Variants in CCDC60 observed in about 807,000 individuals in gnomAD.
CCDC60 encodes the protein coiled-coil domain containing 60, also known as coiled-coil domain-containing protein 60.
In CCDC60, 54 loss-of-function variants were observed where a neutral mutation model predicts 63.5. The observed-to-expected ratio is 0.85, with a 90% confidence interval of 0.68 to 1.07. The LOEUF (loss-of-function observed/expected upper bound fraction) is 1.07, where lower values mean the gene tolerates loss of function less well. Among genes scored for constraint, CCDC60 ranks in the 50% least tolerant of loss-of-function variants. The pLI, the probability that CCDC60 is intolerant of heterozygous loss-of-function variation, is 0.00. For synonymous variants in CCDC60, 206 were observed against 238.8 expected, an observed-to-expected ratio of 0.86 and a Z score of 1.27; for missense variants, 651 against 684.3, an observed-to-expected ratio of 0.95 and a Z score of 0.54.
Position 119,505,158 on chromosome 12 carries a change from G to C in CCDC60, c.738G>C (p.Gly246=). Residue 246 remains glycine (G), a synonymous_variant, in exon 7 of 14, where the codon GGG becomes GGC. Transcript: ENST00000327554. ...GSTLSLSRAS[G]GSSPQSSMIS... ...CACTCAGTCTGAGTCGGGCCAGTGG[G>C]GGGTCCTCTCCCCAGAGCAGCATGA... 8.1e-6 allele frequency: 13 copies of C among 1,614,074 alleles called. No individual in the cohort carries two copies. The highest frequency in any genetic ancestry group is 1.1e-5 in the Non-Finnish European group (13 of 1,180,014).
chr12:119,510,848 C>T (rs912250832), intron 7 of CCDC60, among the ~76,000 whole-genome samples: 5 of 152,208 alleles, frequency 3.3e-5, no homozygotes, highest in Non-Finnish European at 7.3e-5. Flanking sequence ...GCAATCCTCT[C>T]AGGAGCCCCA....
chr12:119,451,016 G>A (rs1276006692), intron 2 of CCDC60, among the ~76,000 whole-genome samples: 1 of 152,122 alleles, frequency 6.6e-6, no homozygotes, highest in African/African-American at 2.4e-5. Flanking sequence ...AGAGGGAGTG[G>A]CCCTTGTGCA....
At chr12:119,433,195 A>G (rs1262546028) in intron 2 of CCDC60, among the ~76,000 whole-genome samples, 1 of 152,084 alleles carries the variant, frequency 6.6e-6, no homozygotes, top group East Asian at 1.9e-4. Flanking sequence ...ACCACGGGGG[A>G]CGTGCCCCAA....
intron 1 of CCDC60, among the ~76,000 whole-genome samples, chr12:119,385,639 T>G (rs1956052223): frequency 6.6e-6 from 1 of 152,224 alleles, no homozygotes; most frequent in Non-Finnish European, 1.5e-5. Context: ...AGGTATGTCT[T>G]TATAAATAGC....
chr12:119,388,090 G>GC (rs1956091194), intron 1 of CCDC60: 1 of 152,212 alleles, frequency 6.6e-6, no homozygotes, highest in South Asian at 2.1e-4. Context: ...TCATCCTGGA[G>GC]CCAGGTGCTT....
At chr12:119,498,331 C>CTT (rs368939664) in intron 5 of CCDC60, among the ~76,000 whole-genome samples, 2 of 149,748 alleles carry the variant, frequency 1.3e-5, no homozygotes, top group African/African-American at 4.9e-5. Flanking sequence ...TGTTCATCCT[C>CTT]TTTTTTTTTT....
At chr12:119,434,450 T>C (rs530081675) in intron 2 of CCDC60, among the ~76,000 whole-genome samples, 13 of 152,148 alleles carry the variant, frequency 8.5e-5, no homozygotes, top group African/African-American at 2.7e-4. Flanking sequence ...CTGTCTTTGA[T>C]GAATAAGAGA....
chr12:119,361,244 T>A (rs1328377524), intron 1 of CCDC60, among the ~76,000 whole-genome samples: 4 of 150,828 alleles, frequency 2.7e-5, no homozygotes, highest in Non-Finnish European at 5.9e-5. Flanking sequence ...ACAGGTCTAT[T>A]TTATCAAAAA....
intron 2 of CCDC60, among the ~76,000 whole-genome samples, chr12:119,431,019 G>A (rs1041000163): frequency 3.3e-5 from 5 of 152,106 alleles, no homozygotes; most frequent in Non-Finnish European, 5.9e-5. Context: ...TCCAAATTGA[G>A]GGCCTAGAGC....
At position 119,530,920 on chromosome 12, in the gene CCDC60, C is replaced by T. The variant is rs372064797; in HGVS notation, c.1408C>T (p.Arg470Cys). 2.7e-5 allele frequency: 43 copies of T among 1,613,962 alleles called. No homozygotes were observed. The Middle Eastern group carries it at 8.2e-4, about 31-fold the overall frequency. The change falls in exon 13 of 14, where the codon CGC becomes TGC. Residue 470 changes from arginine (R) to cysteine (C), a missense_variant. Transcript: ENST00000327554. Reference protein sequence around the residue: ...SKLPEDLKNFRPAKKILVKLQ... With the variant: ...SKLPEDLKNFCPAKKILVKLQ... ...ACTGCCAGAGGATCTAAAGAACTTC[C>T]GCCCCGCCAAAAAGATCCTGGTGAA...
intron 1 of CCDC60, among the ~76,000 whole-genome samples, chr12:119,370,476 A>G (rs1452144005): frequency 6.6e-6 from 1 of 152,180 alleles, no homozygotes; most frequent in Non-Finnish European, 1.5e-5. Flanking sequence ...AACAATCCCA[A>G]ACACACATCA....
chr12:119,529,181 A>G (rs1952770485), intron 12 of CCDC60, among the ~76,000 whole-genome samples: 1 of 152,224 alleles, frequency 6.6e-6, no homozygotes, highest in Non-Finnish European at 1.5e-5. Context: ...GTGCCACAGC[A>G]TAAGGGTGAT....
At chr12:119,380,726 A>C (rs1955999844) in intron 1 of CCDC60, among the ~76,000 whole-genome samples, 1 of 152,200 alleles carries the variant, frequency 6.6e-6, no homozygotes, top group Non-Finnish European at 1.5e-5. Context: ...TCAATTTTTA[A>C]CACCTCTCTA....
intron 1 of CCDC60, among the ~76,000 whole-genome samples, chr12:119,348,560 T>C (rs558625649): frequency 1.4e-4 from 22 of 152,326 alleles, no homozygotes; most frequent in African/African-American, 5.0e-4. Flanking sequence ...GACCTTACAC[T>C]ACCCATTTCA....
chr12:119,457,125 A>C (rs950605440), intron 2 of CCDC60, among the ~76,000 whole-genome samples: 2 of 152,200 alleles, frequency 1.3e-5, no homozygotes, highest in African/African-American at 4.8e-5. Flanking sequence ...CCTTAGCCAA[A>C]GAAACACCTT....
At chr12:119,457,135 T>G (rs1950763488) in intron 2 of CCDC60, among the ~76,000 whole-genome samples, 1 of 152,198 alleles carries the variant, frequency 6.6e-6, no homozygotes, top group African/African-American at 2.4e-5. Flanking sequence ...AGAAACACCT[T>G]AGGTTCTTCC....
intron 2 of CCDC60, chr12:119,433,596 C>T (rs920720366): frequency 1.4e-6 from 1 of 702,172 alleles, no homozygotes; most frequent in African/African-American, 1.7e-5. Context: ...ACTCCCTGAC[C>T]CCATATCCCA....
At chr12:119,387,804 T>A (rs1218442604) in intron 1 of CCDC60, among the ~76,000 whole-genome samples, 1 of 152,196 alleles carries the variant, frequency 6.6e-6, no homozygotes, top group Non-Finnish European at 1.5e-5. Context: ...GAATCACAGT[T>A]TATTTCCCTA....
chr12:119,422,913 C>A (rs1956838960), intron 1 of CCDC60, among the ~76,000 whole-genome samples: 1 of 152,110 alleles, frequency 6.6e-6, no homozygotes, highest in Non-Finnish European at 1.5e-5. Flanking sequence ...ATGGCAAAAA[C>A]TGCAATTACT....
Sources: gnomAD v4.1 joint callset for allele counts (sites outside exome capture counted in the v4.1 genomes callset) on GRCh38, gnomAD v4.1.1 for gene constraint, MANE v1.5 for transcripts, NCBI Gene and HGNC (gene_info 2026-07-23, HGNC 2026-07-21) for gene names.